ARHGEF10L: variants seen among roughly 807,000 people sequenced by gnomAD.
ARHGEF10L encodes Rho guanine nucleotide exchange factor 10 like.
A neutral mutation model predicts 141.2 loss-of-function variants in ARHGEF10L; 69 were observed. The ratio of observed to expected loss-of-function variants is 0.49; its 90% CI spans 0.40 to 0.60. ARHGEF10L has a LOEUF of 0.60. Ranked by LOEUF, ARHGEF10L falls within the 20% of genes least tolerant of loss-of-function variation. The pLI, the probability that ARHGEF10L is intolerant of heterozygous loss-of-function variation, is 0.00. For synonymous variants in ARHGEF10L, 711 were observed against 718.5 expected (o/e 0.99, Z 0.17); for missense variants, 1,482 against 1,734.3 (o/e 0.85, Z 2.58).
chr1:17,632,694 G>A (rs1167035911), intron 16 of ARHGEF10L, among the ~76,000 whole-genome samples: 1 of 152,242 alleles, frequency 6.6e-6, no homozygotes, highest in Admixed American at 6.5e-5. Flanking sequence ...GCACACAGCT[G>A]TCCATGGTAC....
At chr1:17,676,380 G>A (rs1294732820) in intron 26 of ARHGEF10L, among the ~76,000 whole-genome samples, 1 of 147,310 alleles carries the variant, frequency 6.8e-6, no homozygotes. Flanking sequence ...TGGGTGAGGT[G>A]TAGATGCAGG....
At position 17,587,509 on chromosome 1, in the gene ARHGEF10L, C is replaced by T. The variant is rs200487906; in HGVS notation, c.87C>T (p.Asp29=). The change falls in exon 3 of 29, where the codon GAC becomes GAT. Residue 29 remains aspartate (D), a synonymous_variant. Transcript: ENST00000361221. ...GVPGPSSEAE[D]DPGEAFEFDD... ...CAGGCCCCTCCTCTGAGGCAGAGGA[C>T]GACCCAGGAGAGGCGTTTGAGTTTG... is the stretch of plus-strand genomic sequence containing the variant. The T allele has an allele frequency of 1.2e-4, 197 of 1,614,114 alleles. No homozygotes were observed. The highest frequency in any genetic ancestry group is 1.6e-4 in the Non-Finnish European group (186 of 1,179,988).
chr1:17,550,144 G>A (rs1035233985), intron 1 of ARHGEF10L, among the ~76,000 whole-genome samples: 3 of 152,178 alleles, frequency 2.0e-5, no homozygotes, highest in Non-Finnish European at 4.4e-5. Context: ...TATATCAGCT[G>A]GAATCAACTG....
chr1:17,666,711 G>C (rs1207929792), intron 26 of ARHGEF10L, among the ~76,000 whole-genome samples: 1 of 151,488 alleles, frequency 6.6e-6, no homozygotes, highest in African/African-American at 2.4e-5. Context: ...TCATGCTGGG[G>C]GCTTCCCTGC....
chr1:17,592,594 C>T lies in ARHGEF10L; in HGVS notation c.257+4115C>T, dbSNP rs535430439. Among the ~76,000 whole-genome samples, 135 of 152,210 alleles carry T rather than the reference C, an allele frequency of 8.9e-4. 1 individual carries two copies. Among genetic ancestry groups the T allele is most frequent in the African/African-American group, 2.9e-3 (121 of 41,542 alleles). On this transcript the variant is annotated intron_variant, in intron 4 of 28. Coordinates refer to ENST00000361221, the MANE Select transcript of ARHGEF10L (RefSeq NM_018125.4). Reference sequence around the variant, plus strand: ...GTATTGGCACAGGATGGAAACAGGGCGCTGGTGGCCTGTGGCTTCTGAGAC... The same window carrying T: ...GTATTGGCACAGGATGGAAACAGGGTGCTGGTGGCCTGTGGCTTCTGAGAC...
intron 26 of ARHGEF10L, among the ~76,000 whole-genome samples, chr1:17,677,097 G>A (rs1354948245): frequency 6.6e-6 from 1 of 152,128 alleles, no homozygotes; most frequent in Admixed American, 6.5e-5. Flanking sequence ...ACCAAGGAAA[G>A]GAGATGGGCA....
At chr1:17,690,658 G>T (rs11807630) in intron 27 of ARHGEF10L, among the ~76,000 whole-genome samples, 2,281 of 152,298 alleles carry the variant, frequency 0.015, 53 homozygotes, top group African/African-American at 0.051. Context: ...TTTCCCGAAG[G>T]TTCCCTCTTC....
intron 2 of ARHGEF10L, 26 bp downstream of exon 2, chr1:17,580,658 C>T (rs1190225708): frequency 6.2e-7 from 1 of 1,613,994 alleles, no homozygotes; most frequent in African/African-American, 1.3e-5. Context: ...CTTCCTGTCC[C>T]TCTCATCCTT....
At chr1:17,674,031 G>A (rs905372599) in intron 26 of ARHGEF10L, among the ~76,000 whole-genome samples, 6 of 152,144 alleles carry the variant, frequency 3.9e-5, no homozygotes, top group Non-Finnish European at 5.9e-5. Flanking sequence ...GGGTCTTGTG[G>A]GTGCGTATGT....
At chr1:17,632,805 C>T (rs756116131) in intron 16 of ARHGEF10L, among the ~76,000 whole-genome samples, 2 of 152,208 alleles carry the variant, frequency 1.3e-5, no homozygotes, top group African/African-American at 2.4e-5. Context: ...CAGATCCCTG[C>T]GGCTTTAACT....
In ARHGEF10L at chr1:17,639,998, G is replaced by T; in HGVS notation, c.2172-204G>T. On this transcript the variant is annotated intron_variant, in intron 20 of 28. Transcript: ENST00000361221. This position sits in a 1 kb window ranked among gnomAD's most constrained non-coding sequence, Gnocchi z 4.3. ...CCTGGCCAGGTACCTCCCTCTGGGG[G>T]TCATTGTGGGCGGAGGGATTCCTCC... The T allele has an allele frequency of 1.4e-6, 2 of 1,479,380 alleles. No homozygotes were observed. Among genetic ancestry groups the T allele is most frequent in the South Asian group, 2.7e-5 (2 of 75,188 alleles). The allele number at this position is 1,479,380 out of a possible 1,614,324, so 91.6% of individuals were successfully genotyped here.
rs1468707762 is a variant in ARHGEF10L, at chr1:17,607,863, G to A, written c.495G>A (p.Glu165=). 1 of 1,588,000 alleles carries A rather than the reference G, an allele frequency of 6.3e-7. No individual in the cohort carries two copies. The highest frequency in any genetic ancestry group is 8.6e-7 in the Non-Finnish European group (1 of 1,168,656). The change falls in exon 7 of 29, where the codon GAG becomes GAA. Residue 165 remains glutamate, a synonymous_variant. Transcript: ENST00000361221. This position sits in a 1 kb window ranked among gnomAD's most constrained non-coding sequence, Gnocchi z 4.5. The stretch of plus-strand genomic sequence containing the variant: ...GGGCTGGGGCCCCTCGGCAGGCGGA[G>A]GACCTAGGCTGGAGCTCCAGTGAGT... ...AHRAGAPRQA[E]DLGWSSSEFE...
rs1015972028 is a variant in ARHGEF10L at position 17,603,764 on chromosome 1, G to A, written c.433+173G>A. 1.3e-5 allele frequency among the ~76,000 whole-genome samples: 2 copies of A among 152,234 alleles called. No homozygotes were observed. Among genetic ancestry groups the A allele is most frequent in the Admixed American group, 6.5e-5 (1 of 15,290 alleles). On this transcript the variant is annotated intron_variant, in intron 6 of 28. Transcript: ENST00000361221. The surrounding 1 kb of genome is among the most constrained non-coding windows in gnomAD (Gnocchi z 4.8). ...GGAGAATCTGGAGATGGCTGAGGGC[G>A]TGGCCACCGGGGCCGGGCAGGGCTT...
In ARHGEF10L at chr1:17,588,428, T is replaced by C. The variant is rs373086190; in HGVS notation, c.224-18T>C. 6 of 1,613,724 alleles carry C rather than the reference T, an allele frequency of 3.7e-6. No homozygotes were observed. The highest frequency in any genetic ancestry group is 5.1e-6 in the Non-Finnish European group (6 of 1,179,870). On this transcript the variant is annotated intron_variant, in intron 3 of 28. Coordinates refer to ENST00000361221, the MANE Select transcript of ARHGEF10L (RefSeq NM_018125.4). ...AGCCTCTGGCCTGACAGGCTCTCTGTCTGCTCTTCTTTTGCAGACCCAGAC... is the reference window on the plus strand; with the variant it reads ...AGCCTCTGGCCTGACAGGCTCTCTGCCTGCTCTTCTTTTGCAGACCCAGAC...
chr1:17,640,399 CG>C (rs1254876945), intron 21 of ARHGEF10L, 97 bp downstream of exon 21: 4 of 1,048,854 alleles, frequency 3.8e-6, no homozygotes, highest in South Asian at 1.6e-5. Context: ...TCGGGGTCAG[CG>C]GGGGGCAGGG....
intron 27 of ARHGEF10L, among the ~76,000 whole-genome samples, chr1:17,689,165 A>G (rs2064861764): frequency 6.6e-6 from 1 of 152,062 alleles, no homozygotes; most frequent in Non-Finnish European, 1.5e-5. Context: ...GACTCAGTCC[A>G]GCATCCTACT....
chr1:17,668,744 G>A (rs1171324527), intron 26 of ARHGEF10L, among the ~76,000 whole-genome samples: 1 of 152,228 alleles, frequency 6.6e-6, no homozygotes. Context: ...GCGCGGTGCG[G>A]GCAGCTTGCC....
chr1:17,633,000 G>T (rs1187793879), intron 16 of ARHGEF10L, among the ~76,000 whole-genome samples: 3 of 152,246 alleles, frequency 2.0e-5, no homozygotes, highest in African/African-American at 4.8e-5. Flanking sequence ...CTGGTGTGGG[G>T]TGAGGGTGAG....
intron 13 of ARHGEF10L, among the ~76,000 whole-genome samples, chr1:17,624,941 A>G (rs942095901): frequency 1.3e-5 from 2 of 152,180 alleles, no homozygotes; most frequent in Admixed American, 1.3e-4. Flanking sequence ...AGGCTTCGAA[A>G]AGCTTCTGAG....
Sources: allele counts gnomAD v4.1 joint callset (sites outside exome capture counted in the v4.1 genomes callset), GRCh38; gene constraint gnomAD v4.1.1; non-coding constraint Gnocchi (gnomAD v3.1); transcripts MANE v1.5; gene names NCBI Gene and HGNC (gene_info 2026-07-23, HGNC 2026-07-21).